PCDH11Y: variants seen among roughly 807,000 people sequenced by gnomAD.
The protein encoded by PCDH11Y is protocadherin-11 Y-linked.
For synonymous variants in PCDH11Y, 9 were observed against 83.6 expected, an observed-to-expected ratio of 0.11 and a Z score of 4.87; for missense variants, 12 against 224.8, an observed-to-expected ratio of 0.05 and a Z score of 6.05.
chrY:5,287,912 T>TA (rs377570762), intron 2 of PCDH11Y, among the ~76,000 whole-genome samples: 232 of 22,775 alleles, frequency 0.01, no homozygotes, highest in Non-Finnish European at 0.019. Flanking sequence ...CTTAAAGTGT[T>TA]AAAAAAAAAA....
At chrY:5,292,708 A>G (rs2124662144) in intron 2 of PCDH11Y, among the ~76,000 whole-genome samples, 1 of 32,759 alleles carries the variant, frequency 3.1e-5, no homozygotes, top group South Asian at 6.8e-4. Context: ...CGTTTCATTG[A>G]TCTTCTATGT....
chrY:5,177,842 A>C, intron 2 of PCDH11Y, among the ~76,000 whole-genome samples: 3 of 32,724 alleles, frequency 9.2e-5, no homozygotes, highest in Non-Finnish European at 1.5e-4. Flanking sequence ...TTTTAAAGTA[A>C]AGAGTGTAAT....
chrY:5,514,908 G>A, intron 3 of PCDH11Y, among the ~76,000 whole-genome samples: 2 of 33,519 alleles, frequency 6.0e-5, no homozygotes, highest in African/African-American at 2.3e-4. Flanking sequence ...TAATGACTAT[G>A]TTTTTTAATC....
At chrY:5,144,902 C>T in intron 2 of PCDH11Y, among the ~76,000 whole-genome samples, 1 of 26,821 alleles carries the variant, frequency 3.7e-5, no homozygotes, top group Admixed American at 3.5e-4. Flanking sequence ...CAAGTATCAA[C>T]AATTATAGTA....
intron 2 of PCDH11Y, among the ~76,000 whole-genome samples, chrY:5,314,620 A>T: frequency 3.5e-5 from 1 of 28,512 alleles, no homozygotes; most frequent in Admixed American, 3.5e-4. Flanking sequence ...CAAGATGATC[A>T]TCCTTATTTT....
chrY:5,435,087 C>T, intron 2 of PCDH11Y, among the ~76,000 whole-genome samples: 2 of 33,426 alleles, frequency 6.0e-5, no homozygotes, highest in African/African-American at 2.4e-4. Context: ...AAGACCTTAA[C>T]ATTTTAATGT....
At chrY:5,315,133 G>A (rs2053105745) in intron 2 of PCDH11Y, among the ~76,000 whole-genome samples, 1 of 33,082 alleles carries the variant, frequency 3.0e-5, no homozygotes, top group Non-Finnish European at 7.4e-5. Context: ...ATAAAAAATG[G>A]AAACTAGAGA....
chrY:5,534,989 G>A (rs1602939490), intron 3 of PCDH11Y, among the ~76,000 whole-genome samples: 11 of 33,100 alleles, frequency 3.3e-4, no homozygotes, highest in African/African-American at 8.3e-4. Context: ...ACTTTTTAAT[G>A]GAGTTGTTTG....
rs2053579653 is a variant in PCDH11Y at position 5,703,192 on chromosome Y, G to A, written c.3353-34080G>A. Among the ~76,000 whole-genome samples the A allele has an allele frequency of 1.6e-3, 52 of 32,538 alleles. No homozygotes were observed. In the South Asian group the frequency reaches 0.031, roughly 20 times the overall value. The allele number at this position is 32,538 out of a possible 37,273, so 87.3% of individuals were successfully genotyped here. A position where few individuals can be genotyped will look rare whatever the true frequency, so the allele number is the denominator to read the frequency against. On this transcript the variant is annotated intron_variant, in intron 4 of 4. Coordinates refer to the PCDH11Y transcript ENST00000400457. ...TTATGGGATGCAACTAACTAAAACC[G>A]TGTCCAGAGTAAATATTAAAACTTT...
chrY:5,418,083 G>A (rs2053254765), intron 2 of PCDH11Y, among the ~76,000 whole-genome samples: 4 of 31,492 alleles, frequency 1.3e-4, no homozygotes, highest in Non-Finnish European at 3.1e-4. Flanking sequence ...TACAACTAAC[G>A]CTAATGGTTG....
At chrY:5,577,932 G>T (rs2053447711) in intron 3 of PCDH11Y, among the ~76,000 whole-genome samples, 1 of 32,579 alleles carries the variant, frequency 3.1e-5, no homozygotes, top group East Asian at 8.2e-4. Flanking sequence ...CCTTCCTCCT[G>T]CCATGTGAAG....
intron 4 of PCDH11Y, among the ~76,000 whole-genome samples, chrY:5,685,920 G>A (rs2124710068): frequency 5.9e-5 from 2 of 33,729 alleles, no homozygotes; most frequent in Admixed American, 5.4e-4. Flanking sequence ...CTAAGTATTT[G>A]AAGGGCACTG....
At chrY:5,411,831 C>T (rs2053247690) in intron 2 of PCDH11Y, among the ~76,000 whole-genome samples, 1 of 33,201 alleles carries the variant, frequency 3.0e-5, no homozygotes, top group Non-Finnish European at 7.4e-5. Context: ...ATCTTGGTTA[C>T]TGTGTAGCCT....
At chrY:5,391,184 A>G in intron 2 of PCDH11Y, among the ~76,000 whole-genome samples, 2 of 31,088 alleles carry the variant, frequency 6.4e-5, no homozygotes, top group African/African-American at 2.5e-4. Flanking sequence ...TTTTGAGTAA[A>G]TATAGTAATA....
intron 3 of PCDH11Y, among the ~76,000 whole-genome samples, chrY:5,045,048 G>A: frequency 3.0e-5 from 1 of 33,014 alleles, no homozygotes; most frequent in Non-Finnish European, 7.4e-5. Context: ...ACACTGATAG[G>A]TCTTGACTCT....
At chrY:5,717,397 T>TA (rs2053590815) in intron 4 of PCDH11Y, among the ~76,000 whole-genome samples, 5 of 32,558 alleles carry the variant, frequency 1.5e-4, no homozygotes, top group African/African-American at 6.0e-4. Context: ...ACAACTGTAT[T>TA]AAAAAAAACA....
intron 2 of PCDH11Y, among the ~76,000 whole-genome samples, chrY:5,251,044 G>A (rs1602893729): frequency 6.1e-5 from 2 of 32,790 alleles, no homozygotes; most frequent in Non-Finnish European, 1.5e-4. Flanking sequence ...CTAAAAGAGG[G>A]GATACATTTC....
At chrY:5,402,985 G>A in intron 2 of PCDH11Y, among the ~76,000 whole-genome samples, 3 of 32,176 alleles carry the variant, frequency 9.3e-5, no homozygotes, top group Admixed American at 8.7e-4. Context: ...GTATTTCTGT[G>A]ATTTGTTTTA....
At chrY:5,046,676 G>C (rs1602849142) in intron 3 of PCDH11Y, among the ~76,000 whole-genome samples, 80 of 32,692 alleles carry the variant, frequency 2.4e-3, no homozygotes, top group African/African-American at 4.1e-3. Context: ...TTTACCTAAG[G>C]AAGCCTGGGC....
Sources: allele counts gnomAD v4.1 joint callset (sites outside exome capture counted in the v4.1 genomes callset), GRCh38; gene constraint gnomAD v4.1.1; transcripts MANE v1.5; gene names NCBI Gene and HGNC (gene_info 2026-07-23, HGNC 2026-07-21).